The following WASHC4 variants were observed in gnomAD, a reference collection of about 807,000 sequenced individuals.
The protein encoded by WASHC4 is WASH complex subunit 7.
Under a neutral mutation model 166.6 loss-of-function variants are expected in WASHC4, and 86 were observed. The ratio of observed to expected loss-of-function variants is 0.52; its 90% CI spans 0.43 to 0.62. The LOEUF is 0.62. WASHC4 is among the 20% of genes least tolerant of loss of function. The probability of loss-of-function intolerance (pLI) is 0.00; values close to 1 mark genes in which losing one functional copy is unlikely to be tolerated. For synonymous variants in WASHC4, 446 were observed against 451.6 expected (o/e 0.99, Z 0.16); for missense variants, 1,262 against 1,382.4 (o/e 0.91, Z 1.38).
At chr12:105,163,039 C>T (rs922725717) in intron 30 of WASHC4, among the ~76,000 whole-genome samples, 194 bp downstream of exon 30, 1 of 152,186 alleles carries the variant, frequency 6.6e-6, no homozygotes, top group Non-Finnish European at 1.5e-5. Context: ...TCACTGCAAG[C>T]TCCGCCTCCT....
intron 18 of WASHC4, 53 bp from the exon 19 acceptor site, chr12:105,142,400 T>C (rs1293547116): frequency 1.1e-5 from 11 of 1,009,130 alleles, no homozygotes; most frequent in Non-Finnish European, 1.6e-5. Context: ...TCCTTTCATA[T>C]TGTTTTGGGA....
In WASHC4 at chr12:105,139,425, G is replaced by GTATATATATATATATATATA. The variant is rs71069791; in HGVS notation, c.1453-855_1453-836dup. ...AGACAGACTATATATATGTGTGTGT[G>GTATATATATATATATATATA]TATATATATATATATATATATATAT... On this transcript the variant is annotated intron_variant, in intron 15 of 32. Transcript: ENST00000332180. Among the ~76,000 whole-genome samples the GTATATATATATATATATATA allele has an allele frequency of 1.8e-3, 183 of 103,148 alleles. 4 individuals are homozygous for GTATATATATATATATATATA. The highest frequency in any genetic ancestry group is 2.2e-3 in the South Asian group (6 of 2,700). The allele number at this position is 103,148 out of a possible 152,430, so 67.7% of individuals were successfully genotyped here. A position where few individuals can be genotyped will look rare whatever the true frequency, so the allele number is the denominator to read the frequency against.
chr12:105,137,561 TA>T (rs1423564657), intron 14 of WASHC4, among the ~76,000 whole-genome samples: 1 of 152,224 alleles, frequency 6.6e-6, no homozygotes, highest in Non-Finnish European at 1.5e-5. Flanking sequence ...GATGAATAGA[TA>T]CCTTTCTAAC....
intron 10 of WASHC4, among the ~76,000 whole-genome samples, chr12:105,125,421 A>G (rs936098985): frequency 6.6e-6 from 1 of 152,170 alleles, no homozygotes; most frequent in Non-Finnish European, 1.5e-5. Flanking sequence ...TGTTATCCAT[A>G]AGGCTTTTGG....
chr12:105,122,096 G>A (rs753058373), intron 9 of WASHC4, 22 bp from the exon 10 acceptor site: 2 of 1,550,106 alleles, frequency 1.3e-6, no homozygotes, highest in Non-Finnish European at 1.8e-6. Flanking sequence ...GATTTAAGAT[G>A]TTTCTCTTAA....
At chr12:105,151,495 T>C (rs1001993929) in intron 25 of WASHC4, among the ~76,000 whole-genome samples, 8 of 152,126 alleles carry the variant, frequency 5.3e-5, no homozygotes, top group African/African-American at 1.9e-4. Flanking sequence ...CTCTTTTTTT[T>C]TTTTGAGACT....
At chr12:105,163,043 G>T (rs138054281) in intron 30 of WASHC4, among the ~76,000 whole-genome samples, 198 bp downstream of exon 30, 35 of 151,564 alleles carry the variant, frequency 2.3e-4, no homozygotes, top group Non-Finnish European at 4.6e-4. Context: ...TGCAAGCTCC[G>T]CCTCCTGGGT....
chr12:105,121,010 A>T (rs1880688840), intron 8 of WASHC4, 91 bp from the exon 9 acceptor site: 2 of 826,530 alleles, frequency 2.4e-6, no homozygotes, highest in Admixed American at 3.7e-5. Context: ...CTAATTCAGT[A>T]ATCAGCCCAA....
intron 1 of WASHC4, 119 bp downstream of exon 1, chr12:105,107,980 C>T (rs1485096459): frequency 1.3e-6 from 1 of 785,278 alleles, no homozygotes; most frequent in Non-Finnish European, 2.2e-6. Context: ...CGGGACACTT[C>T]AGAGCCCTTG....
chr12:105,107,800 G>A lies in WASHC4; in HGVS notation c.-1G>A, dbSNP rs974163808. The A allele has an allele frequency of 2.6e-6, 4 of 1,550,294 alleles. No individual in the cohort carries two copies. In the African/African-American group the frequency reaches 4.1e-5, roughly 16 times the overall value. The stretch of plus-strand genomic sequence containing the variant: ...CTGTGTCTGTGGGAGGCGCCGGGGT[G>A]ATGGCGGTGGAGACTCTGTCCCCGG... On this transcript the variant is annotated 5_prime_UTR_variant, in exon 1 of 33. Coordinates refer to ENST00000332180, the MANE Select transcript of WASHC4 (RefSeq NM_015275.3).
chr12:105,129,433 A>G (rs1042952455), intron 13 of WASHC4, among the ~76,000 whole-genome samples: 1 of 152,154 alleles, frequency 6.6e-6, no homozygotes, highest in African/African-American at 2.4e-5. Flanking sequence ...TAAGTTCAGG[A>G]TACAAGTGCA....
intron 14 of WASHC4, among the ~76,000 whole-genome samples, chr12:105,134,536 T>A (rs1592876806): frequency 6.6e-6 from 1 of 152,130 alleles, no homozygotes; most frequent in African/African-American, 2.4e-5. Context: ...ATGTTTAGAA[T>A]TGTTCTGTCT....
intron 10 of WASHC4, among the ~76,000 whole-genome samples, chr12:105,123,111 C>T (rs1003261760): frequency 6.6e-6 from 1 of 152,178 alleles, no homozygotes; most frequent in Non-Finnish European, 1.5e-5. Context: ...GTCAGGAGTT[C>T]AAGACCAGCC....
intron 25 of WASHC4, 27 bp from the exon 26 acceptor site, chr12:105,152,316 A>G (rs1364476137): frequency 1.7e-6 from 2 of 1,157,410 alleles, no homozygotes; most frequent in South Asian, 2.5e-5. Flanking sequence ...ATCTTTATTA[A>G]AAGTAGCCTT....
At chr12:105,166,360 A>G (rs1337938154) in intron 32 of WASHC4, among the ~76,000 whole-genome samples, 1 of 152,144 alleles carries the variant, frequency 6.6e-6, no homozygotes, top group African/African-American at 2.4e-5. Flanking sequence ...ATTTAAAATT[A>G]TTTTAAGAAA....
intron 13 of WASHC4, among the ~76,000 whole-genome samples, chr12:105,133,000 T>C (rs780743460): frequency 1.1e-4 from 16 of 152,148 alleles, no homozygotes; most frequent in African/African-American, 3.9e-4. Flanking sequence ...TACCATTGCC[T>C]CCTCTGTAGT....
chr12:105,108,923 T>G (rs1196840), intron 1 of WASHC4, among the ~76,000 whole-genome samples: 76,615 of 151,996 alleles, frequency 0.5, 19,441 homozygotes, highest in Middle Eastern at 0.69. Flanking sequence ...AAAACATTCC[T>G]GAGGTCAGGA....
chr12:105,129,521 A>G (rs1881608307), intron 13 of WASHC4, among the ~76,000 whole-genome samples: 1 of 152,106 alleles, frequency 6.6e-6, no homozygotes, highest in African/African-American at 2.4e-5. Flanking sequence ...ATTCCATGGA[A>G]TTTTTATTGG....
At chr12:105,160,643 C>T (rs890177636) in intron 29 of WASHC4, among the ~76,000 whole-genome samples, 7 of 152,138 alleles carry the variant, frequency 4.6e-5, no homozygotes, top group Admixed American at 3.9e-4. Context: ...TGAGCCACCA[C>T]GTATGGCCTA....
Sources: gnomAD v4.1 joint callset for allele counts (sites outside exome capture counted in the v4.1 genomes callset) on GRCh38, gnomAD v4.1.1 for gene constraint, MANE v1.5 for transcripts, NCBI Gene and HGNC (gene_info 2026-07-23, HGNC 2026-07-21) for gene names.